Variants in N4BP2 observed in about 807,000 individuals in gnomAD.
N4BP2 encodes the protein NEDD4-binding protein 2.
N4BP2 carries 91 observed loss-of-function variants against 152.8 expected under a neutral mutation model. The observed-to-expected ratio is 0.60, with a 90% CI of 0.50 to 0.71. The LOEUF (loss-of-function observed/expected upper bound fraction) is 0.71. N4BP2 is among the 30% of genes least tolerant of loss of function. N4BP2 has a pLI of 0.00. For synonymous variants in N4BP2, 646 were observed against 705.3 expected (o/e 0.92, Z 1.33); for missense variants, 1,923 against 2,059.1 (o/e 0.93, Z 1.28).
At chr4:40,101,995 A>G in intron 3 of N4BP2, 80 bp from the exon 4 acceptor site, 1 of 852,690 alleles carries the variant, frequency 1.2e-6, no homozygotes, top group Non-Finnish European at 1.7e-6. Context: ...ATATAATTTT[A>G]GCTGGATTTT....
chr4:40,174,645 A>C, the N4BP2 span, among the ~76,000 whole-genome samples: 1 of 152,102 alleles, frequency 6.6e-6, no homozygotes, highest in African/African-American at 2.4e-5. Flanking sequence ...TCTACTAAAA[A>C]TGCAAAAATT....
At chr4:40,163,531 G>A in the N4BP2 span, among the ~76,000 whole-genome samples, 1 of 152,220 alleles carries the variant, frequency 6.6e-6, no homozygotes, top group East Asian at 1.9e-4. Flanking sequence ...TCTGGGAAAG[G>A]TTTTCCTCAC....
chr4:40,181,792 T>C, the N4BP2 span, among the ~76,000 whole-genome samples: 1 of 152,080 alleles, frequency 6.6e-6, no homozygotes, highest in African/African-American at 2.4e-5. Context: ...TACTAAAAAA[T>C]ACAAAAATTA....
At chr4:40,184,275 G>A in the N4BP2 span, among the ~76,000 whole-genome samples, 1 of 151,918 alleles carries the variant, frequency 6.6e-6, no homozygotes, top group Admixed American at 6.6e-5. Flanking sequence ...ATGGCTGCAC[G>A]GGCTAGAATG....
the N4BP2 span, among the ~76,000 whole-genome samples, chr4:40,187,944 A>T: frequency 1.3e-5 from 2 of 152,358 alleles, no homozygotes; most frequent in East Asian, 1.9e-4. Flanking sequence ...GCATCTTAGG[A>T]ATAAAAAGAC....
chr4:40,138,913 C>A (rs2110026007), intron 14 of N4BP2, among the ~76,000 whole-genome samples: 1 of 152,192 alleles, frequency 6.6e-6, no homozygotes, highest in Admixed American at 6.5e-5. Context: ...TATTCTGGTG[C>A]CCTTGGATTT....
intron 12 of N4BP2, among the ~76,000 whole-genome samples, chr4:40,129,905 G>T (rs1396832970): frequency 6.6e-6 from 1 of 152,076 alleles, no homozygotes; most frequent in East Asian, 1.9e-4. Flanking sequence ...GATGATTAAG[G>T]TTACAAGGTT....
chr4:40,114,154 C>T (rs1309295337), intron 7 of N4BP2, among the ~76,000 whole-genome samples: 1 of 152,104 alleles, frequency 6.6e-6, no homozygotes, highest in Non-Finnish European at 1.5e-5. Context: ...AAATGTTAGT[C>T]AAGGCATGGA....
At chr4:40,084,098 G>T (rs746961919) in intron 2 of N4BP2, among the ~76,000 whole-genome samples, 154 of 152,172 alleles carry the variant, frequency 1.0e-3, no homozygotes, top group Non-Finnish European at 1.9e-3. Context: ...TTACAGGCAT[G>T]CGCCACCACT....
intron 2 of N4BP2, among the ~76,000 whole-genome samples, chr4:40,088,574 C>G (rs1342754444): frequency 6.6e-6 from 1 of 151,268 alleles, no homozygotes; most frequent in Non-Finnish European, 1.5e-5. Context: ...GATCTCCGCT[C>G]ACTGCAGCCT....
At chr4:40,141,771 A>G (rs1394070339) in intron 14 of N4BP2, among the ~76,000 whole-genome samples, 1 of 152,192 alleles carries the variant, frequency 6.6e-6, no homozygotes, top group Non-Finnish European at 1.5e-5. Context: ...AGCCGAGATC[A>G]CGCCACTGCA....
At chr4:40,183,999 C>T in the N4BP2 span, among the ~76,000 whole-genome samples, 1 of 152,188 alleles carries the variant, frequency 6.6e-6, no homozygotes. Flanking sequence ...CCGAACATTT[C>T]GTTGATGAGG....
At chr4:40,061,190 G>C (rs187354027) in intron 1 of N4BP2, among the ~76,000 whole-genome samples, 86 of 151,826 alleles carry the variant, frequency 5.7e-4, no homozygotes, top group African/African-American at 2.0e-3. Context: ...ATTATTTTGA[G>C]GTAGAGTCTT....
At chr4:40,060,580 A>T (rs1733577188) in intron 1 of N4BP2, among the ~76,000 whole-genome samples, 1 of 150,528 alleles carries the variant, frequency 6.6e-6, no homozygotes, top group African/African-American at 2.4e-5. Flanking sequence ...GCTTTAATAA[A>T]TTTATGTGGC....
intron 13 of N4BP2, 52 bp downstream of exon 13, chr4:40,131,971 A>G: frequency 9.4e-7 from 1 of 1,065,206 alleles, no homozygotes; most frequent in Non-Finnish European, 1.5e-6. Flanking sequence ...CACTGAAAGC[A>G]TATGCCATGT....
At chr4:40,126,077 A>G in intron 11 of N4BP2, 57 bp from the exon 12 acceptor site, 1 of 1,083,830 alleles carries the variant, frequency 9.2e-7, no homozygotes, top group Non-Finnish European at 1.3e-6. Flanking sequence ...AGAGTGAATA[A>G]TGTTTAATTT....
intron 14 of N4BP2, among the ~76,000 whole-genome samples, chr4:40,139,129 G>A (rs1719671308): frequency 6.6e-6 from 1 of 151,884 alleles, no homozygotes; most frequent in Non-Finnish European, 1.5e-5. Context: ...CACATCTTTT[G>A]TTAAGTTTAT....
At chr4:40,134,981 G>A (rs1304740846) in intron 13 of N4BP2, among the ~76,000 whole-genome samples, 1 of 78,338 alleles carries the variant, frequency 1.3e-5, no homozygotes, top group Non-Finnish European at 2.6e-5. Context: ...AAGTTTTAGG[G>A]TACATGTGCA....
In N4BP2 at chr4:40,102,807, C is replaced by T. The variant is rs748711667; in HGVS notation, c.962C>T (p.Ser321Phe). 3.3e-5 allele frequency: 53 copies of T among 1,614,012 alleles called. No individual in the cohort carries two copies. The highest frequency in any genetic ancestry group is 6.7e-5 in the Admixed American group (4 of 59,980). Residue 321 changes from serine (S) to phenylalanine (F), a missense_variant, in exon 4 of 18, where the codon TCC becomes TTC. Coordinates refer to ENST00000261435, the MANE Select transcript of N4BP2 (RefSeq NM_018177.6). ...CGGGTCTCTGATGTGTTTCTACCTT[C>T]CGAAGGGTTCAACTTCAAGCCACAC... Reference protein sequence around the residue: ...STRVSDVFLPSEGFNFKPHKH... With the variant: ...STRVSDVFLPFEGFNFKPHKH...
Sources: allele counts gnomAD v4.1 joint callset (sites outside exome capture counted in the v4.1 genomes callset), GRCh38; gene constraint gnomAD v4.1.1; transcripts MANE v1.5; gene names NCBI Gene and HGNC (gene_info 2026-07-23, HGNC 2026-07-21).